The following CGNL1 variants were observed in gnomAD, a reference collection of about 807,000 sequenced individuals.
CGNL1 encodes the protein cingulin like 1, also known as cingulin-like protein 1.
A neutral mutation model predicts 141.2 loss-of-function variants in CGNL1; 132 were observed. The observed-to-expected ratio is 0.93, with a 90% CI of 0.81 to 1.08. The LOEUF (loss-of-function observed/expected upper bound fraction) is 1.08. CGNL1 is among the 50% of genes least tolerant of loss of function. The probability of loss-of-function intolerance (pLI) is 0.00; values close to 1 mark genes in which losing one functional copy is unlikely to be tolerated. For missense variants in CGNL1, 1,870 were observed against 1,588.6 expected (o/e 1.18, Z -3.01); for synonymous variants, 690 against 622.1 (o/e 1.11, Z -1.63).
intron 14 of CGNL1, among the ~76,000 whole-genome samples, chr15:57,538,489 G>C (rs1410824821): frequency 6.6e-6 from 1 of 152,106 alleles, no homozygotes; most frequent in African/African-American, 2.4e-5. Flanking sequence ...CCTTTGGAGA[G>C]TCACCATTAT....
In CGNL1 at chr15:57,451,560, G is replaced by A. The variant is rs751165159; in HGVS notation, c.1864G>A (p.Glu622Lys). ...GGAACAGAAAAGCAAGTTGACCATA[G>A]AAGTGGCTGAACTTCAGAGACAGCT... ...LLEQKSKLTIEVAELQRQLQL... is the reference protein window; with the variant it reads ...LLEQKSKLTIKVAELQRQLQL... The change falls in exon 5 of 19, where the codon GAA becomes AAA. Residue 622 changes from glutamate to lysine, a missense_variant. Glu to Lys is a moderately conservative substitution (Grantham distance 56, BLOSUM62 1). Transcript: ENST00000281282. 1.9e-6 allele frequency: 3 copies of A among 1,612,270 alleles called. No individual in the cohort carries two copies. In the East Asian group the frequency reaches 6.7e-5, roughly 36 times the overall value.
intron 4 of CGNL1, among the ~76,000 whole-genome samples, chr15:57,446,665 C>CTTTTTT (rs11327140): frequency 1.7e-5 from 2 of 116,708 alleles, no homozygotes; most frequent in East Asian, 2.4e-4. Flanking sequence ...CTGAACATTA[C>CTTTTTT]TTTTTTTTTT....
Position 57,512,050 on chromosome 15 carries a change from C to T in CGNL1, c.2404-4730C>T, listed in dbSNP as rs142224742. ...AGCAGTACTTGTCCCCAGGGAACTT[C>T]CACTTGAGTTGCTCTTTACCAGCTC... On this transcript the variant is annotated intron_variant, in intron 8 of 18. Coordinates refer to ENST00000281282, the MANE Select transcript of CGNL1 (RefSeq NM_032866.5). Among the ~76,000 whole-genome samples, 10 of 152,300 alleles carry T rather than the reference C, an allele frequency of 6.6e-5. No homozygotes were observed. In the East Asian group the frequency reaches 9.7e-4, roughly 15 times the overall value.
At chr15:57,541,101 C>T (rs1217259467) in intron 14 of CGNL1, among the ~76,000 whole-genome samples, 2 of 152,258 alleles carry the variant, frequency 1.3e-5, no homozygotes, top group Non-Finnish European at 2.9e-5. Context: ...GGGGCCCTTA[C>T]AGCGTGTCTC....
At chr15:57,403,340 G>A (rs1313514702) in intron 1 of CGNL1, among the ~76,000 whole-genome samples, 2 of 152,138 alleles carry the variant, frequency 1.3e-5, no homozygotes, top group African/African-American at 2.4e-5. Context: ...TATTGTTTTT[G>A]CAAGCATGGG....
chr15:57,487,620 T>C (rs2063802293), intron 8 of CGNL1, among the ~76,000 whole-genome samples: 1 of 152,246 alleles, frequency 6.6e-6, no homozygotes, highest in African/African-American at 2.4e-5. Context: ...AAAAGATCCA[T>C]GTTGAGGCAG....
intron 1 of CGNL1, among the ~76,000 whole-genome samples, chr15:57,380,438 C>G (rs539260159): frequency 1.3e-4 from 20 of 152,224 alleles, no homozygotes; most frequent in African/African-American, 4.6e-4. Context: ...GGGATGTAAA[C>G]CCTGGGTTGC....
In CGNL1 at chr15:57,439,232, G is replaced by T. The variant is rs919679646; in HGVS notation, c.1233G>T (p.Leu411Phe). The change falls in exon 2 of 19, where the codon TTG becomes TTT. Residue 411 changes from leucine (L) to phenylalanine (F), a missense_variant. By Grantham distance (22) the Leu-to-Phe change is conservative. Coordinates refer to ENST00000281282, the MANE Select transcript of CGNL1 (RefSeq NM_032866.5). ...SEYLIEFSRN[L>F]GKSSEHLLRP... The stretch of plus-strand genomic sequence containing the variant: ...ACCTGATTGAATTCAGTAGGAACTT[G>T]GGCAAGTCAAGCGAACACCTCCTCC... 15 of 1,613,994 alleles carry T rather than the reference G, an allele frequency of 9.3e-6. No homozygotes were observed. The highest frequency in any genetic ancestry group is 1.3e-5 in the Non-Finnish European group (15 of 1,180,018).
Position 57,452,196 on chromosome 15 carries a change from T to C in CGNL1, c.1961T>C (p.Leu654Pro), listed in dbSNP as rs2063330201. The C allele has an allele frequency of 1.2e-6, 2 of 1,613,790 alleles. No individual in the cohort carries two copies. Among genetic ancestry groups the C allele is most frequent in the Non-Finnish European group, 1.7e-6 (2 of 1,179,910 alleles). The change falls in exon 6 of 19, where the codon CTC becomes CCC. Residue 654 changes from leucine (L) to proline (P), a missense_variant. Transcript: ENST00000281282. ...RERMRANLEE[L>P]RSQHNEKVEE... ...AGGATGAGAGCAAACCTAGAAGAGCTCCGAAGCCAACACAACGAAAAGGTG... is the reference window on the plus strand; with the variant it reads ...AGGATGAGAGCAAACCTAGAAGAGCCCCGAAGCCAACACAACGAAAAGGTG...
At chr15:57,480,378 G>A (rs1163268829) in intron 8 of CGNL1, among the ~76,000 whole-genome samples, 4 of 152,050 alleles carry the variant, frequency 2.6e-5, no homozygotes, top group African/African-American at 7.2e-5. Context: ...AAATTTGTTG[G>A]GTGTGGTGGT....
At chr15:57,448,574 G>A (rs2063284882) in intron 4 of CGNL1, among the ~76,000 whole-genome samples, 1 of 151,952 alleles carries the variant, frequency 6.6e-6, no homozygotes, top group Non-Finnish European at 1.5e-5. Context: ...TTTGAACCCA[G>A]AAGATAGAGG....
chr15:57,377,259 C>CCGA (rs1299842110), intron 1 of CGNL1: 1 of 152,232 alleles, frequency 6.6e-6, no homozygotes, highest in Non-Finnish European at 1.5e-5. Flanking sequence ...CGCTGCCCTC[C>CCGA]CGACTCTGCT....
At chr15:57,542,783 C>T (rs2140239424) in intron 14 of CGNL1, among the ~76,000 whole-genome samples, 1 of 152,340 alleles carries the variant, frequency 6.6e-6, no homozygotes, top group Middle Eastern at 3.4e-3. Flanking sequence ...GTGACTGACT[C>T]ATCCTGGTTC....
At chr15:57,507,792 C>G (rs2064123644) in intron 8 of CGNL1, among the ~76,000 whole-genome samples, 1 of 152,218 alleles carries the variant, frequency 6.6e-6, no homozygotes. Flanking sequence ...AGTAGAACCT[C>G]TAGTCATCTT....
At chr15:57,393,829 C>T (rs1367758304) in intron 1 of CGNL1, 1 of 151,900 alleles carries the variant, frequency 6.6e-6, no homozygotes, top group African/African-American at 2.4e-5. Flanking sequence ...TACATGAATT[C>T]TGCATCTGCA....
At chr15:57,494,749 G>T (rs2063913237) in intron 8 of CGNL1, among the ~76,000 whole-genome samples, 1 of 152,180 alleles carries the variant, frequency 6.6e-6, no homozygotes, top group African/African-American at 2.4e-5. Flanking sequence ...CACTTGCAAT[G>T]GTGCACAGTG....
intron 1 of CGNL1, among the ~76,000 whole-genome samples, chr15:57,434,640 C>T (rs1438515015): frequency 4.6e-5 from 7 of 152,024 alleles, no homozygotes; most frequent in East Asian, 1.9e-4. Flanking sequence ...TTAAGGGGAA[C>T]GTAAACAGGT....
chr15:57,436,751 T>C (rs1276922911), intron 1 of CGNL1, among the ~76,000 whole-genome samples: 1 of 152,110 alleles, frequency 6.6e-6, no homozygotes, highest in Non-Finnish European at 1.5e-5. Flanking sequence ...AAAAAAATGC[T>C]TGATAAATCC....
intron 4 of CGNL1, 112 bp downstream of exon 4, chr15:57,442,590 G>T: frequency 1.6e-6 from 1 of 615,578 alleles, no homozygotes. Flanking sequence ...GAAGTTGCCT[G>T]AGTAGTGAGG....
Sources: allele counts gnomAD v4.1 joint callset (sites outside exome capture counted in the v4.1 genomes callset), GRCh38; gene constraint gnomAD v4.1.1; transcripts MANE v1.5; gene names NCBI Gene and HGNC (gene_info 2026-07-23, HGNC 2026-07-21).